The following NCKAP5 variants were observed in gnomAD, a reference collection of about 807,000 sequenced individuals.
The protein encoded by NCKAP5 is NCK associated protein 5.
In NCKAP5, 92 loss-of-function variants were observed where a neutral mutation model predicts 167.0. That is an observed-to-expected ratio of 0.55 (90% CI 0.47 to 0.66). The LOEUF (loss-of-function observed/expected upper bound fraction) is 0.66, where lower values mean the gene tolerates loss of function less well. Ranked by LOEUF, NCKAP5 falls within the 30% of genes least tolerant of loss-of-function variation. NCKAP5 has a pLI of 0.00. For missense variants in NCKAP5, 2,378 were observed against 2,315.0 expected (o/e 1.03, Z -0.56); for synonymous variants, 891 against 877.4 (o/e 1.02, Z -0.27).
the NCKAP5 span, among the ~76,000 whole-genome samples, chr2:133,671,226 A>G: frequency 6.6e-6 from 1 of 151,378 alleles, no homozygotes; most frequent in Non-Finnish European, 1.5e-5. Context: ...AAAAAAAAAA[A>G]AAAAAAAAAA....
At chr2:132,960,347 G>A (rs1435817997) in intron 8 of NCKAP5, among the ~76,000 whole-genome samples, 1 of 152,130 alleles carries the variant, frequency 6.6e-6, no homozygotes, top group Non-Finnish European at 1.5e-5. Flanking sequence ...TGAGGGAGAG[G>A]AGAGTAAGTG....
At chr2:133,308,801 C>T (rs931719853) in intron 3 of NCKAP5, among the ~76,000 whole-genome samples, 2 of 140,124 alleles carry the variant, frequency 1.4e-5, no homozygotes, top group African/African-American at 5.3e-5. Flanking sequence ...CTCTCTGCTT[C>T]CCGGGTTCAC....
intron 5 of NCKAP5, among the ~76,000 whole-genome samples, chr2:133,159,225 G>A (rs2149927975): frequency 6.6e-6 from 1 of 152,250 alleles, no homozygotes; most frequent in Admixed American, 6.5e-5. Context: ...CTGAAGAGAG[G>A]CCTTTAGGAG....
the NCKAP5 span, among the ~76,000 whole-genome samples, chr2:133,607,407 G>A: frequency 3.3e-3 from 504 of 152,164 alleles, 2 homozygotes; most frequent in African/African-American, 8.7e-3. Context: ...TCTAGTATGC[G>A]TCCAGCTCAC....
At chr2:132,810,550 C>T (rs1457845739) in intron 11 of NCKAP5, among the ~76,000 whole-genome samples, 1 of 152,030 alleles carries the variant, frequency 6.6e-6, no homozygotes, top group African/African-American at 2.4e-5. Context: ...CTTTCTTCTA[C>T]TTGTTCAATT....
intron 3 of NCKAP5, among the ~76,000 whole-genome samples, chr2:133,303,428 T>G (rs1210803893): frequency 6.6e-6 from 1 of 152,198 alleles, no homozygotes; most frequent in Non-Finnish European, 1.5e-5. Context: ...ATATAAATAT[T>G]TCTGCCAATT....
At chr2:133,656,493 G>C in the NCKAP5 span, among the ~76,000 whole-genome samples, 3 of 152,200 alleles carry the variant, frequency 2.0e-5, no homozygotes, top group South Asian at 4.1e-4. Context: ...ATGGGGGCTG[G>C]AGAGTGACTT....
At chr2:132,940,613 A>C (rs912845008) in intron 8 of NCKAP5, among the ~76,000 whole-genome samples, 2 of 152,188 alleles carry the variant, frequency 1.3e-5, no homozygotes, top group African/African-American at 4.8e-5. Context: ...GATTGACAGG[A>C]TATTATGCAG....
At chr2:133,063,483 A>G (rs1158158660) in intron 6 of NCKAP5, among the ~76,000 whole-genome samples, 1 of 152,200 alleles carries the variant, frequency 6.6e-6, no homozygotes, top group Non-Finnish European at 1.5e-5. Flanking sequence ...GGGCCTGACC[A>G]GATCATAAAT....
chr2:132,702,444 C>G (rs1266053752), intron 19 of NCKAP5, among the ~76,000 whole-genome samples: 2 of 152,112 alleles, frequency 1.3e-5, no homozygotes, highest in Non-Finnish European at 2.9e-5. Flanking sequence ...AAGCCATAAA[C>G]AGATCAACTT....
At chr2:133,583,217 G>C in the NCKAP5 span, among the ~76,000 whole-genome samples, 1 of 152,112 alleles carries the variant, frequency 6.6e-6, no homozygotes, top group East Asian at 1.9e-4. Context: ...CTGGTGGGAG[G>C]TGACTATATC....
At chr2:133,649,588 G>A in the NCKAP5 span, among the ~76,000 whole-genome samples, 103 of 152,118 alleles carry the variant, frequency 6.8e-4, no homozygotes, top group African/African-American at 2.4e-3. Flanking sequence ...TTCCACATAC[G>A]AAAATCAATT....
At chr2:132,993,360 T>G (rs1023556266) in intron 7 of NCKAP5, among the ~76,000 whole-genome samples, 3 of 152,228 alleles carry the variant, frequency 2.0e-5, no homozygotes, top group Non-Finnish European at 4.4e-5. Context: ...CCTTCTCATC[T>G]GTACAGGCAA....
intron 4 of NCKAP5, among the ~76,000 whole-genome samples, chr2:133,276,048 C>T (rs959765488): frequency 1.3e-5 from 2 of 151,850 alleles, no homozygotes; most frequent in African/African-American, 4.8e-5. Context: ...CCTCTTTTTG[C>T]TCCTCCTCCT....
intron 16 of NCKAP5, among the ~76,000 whole-genome samples, chr2:132,768,198 A>G (rs928127783): frequency 7.9e-5 from 12 of 152,176 alleles, no homozygotes; most frequent in African/African-American, 2.4e-4. Flanking sequence ...TCCTAATAGG[A>G]TTCAATTTTT....
chr2:133,267,626 C>T (rs2089306724), intron 4 of NCKAP5, among the ~76,000 whole-genome samples: 1 of 152,124 alleles, frequency 6.6e-6, no homozygotes, highest in Non-Finnish European at 1.5e-5. Context: ...TCCCCTTAGC[C>T]TCATTTTGAA....
At chr2:132,713,790 G>T (rs1032767765) in intron 19 of NCKAP5, among the ~76,000 whole-genome samples, 1 of 152,136 alleles carries the variant, frequency 6.6e-6, no homozygotes, top group Admixed American at 6.5e-5. Flanking sequence ...ATGCTTGTGG[G>T]GGGTTCATAA....
intron 19 of NCKAP5, among the ~76,000 whole-genome samples, chr2:132,709,930 A>G (rs562838990): frequency 1.5e-4 from 23 of 152,284 alleles, no homozygotes; most frequent in African/African-American, 5.5e-4. Flanking sequence ...TAAAATGGTT[A>G]ATAAAAAATA....
intron 6 of NCKAP5, among the ~76,000 whole-genome samples, chr2:133,103,389 T>G (rs2081581154): frequency 6.6e-6 from 1 of 152,196 alleles, no homozygotes; most frequent in Admixed American, 6.5e-5. Context: ...ATATTCTTAT[T>G]TTTGAAATGA....
Sources: allele counts gnomAD v4.1 joint callset (sites outside exome capture counted in the v4.1 genomes callset), GRCh38; gene constraint gnomAD v4.1.1; transcripts MANE v1.5; gene names NCBI Gene and HGNC (gene_info 2026-07-23, HGNC 2026-07-21).